Variants in KCNQ3 observed in about 807,000 individuals in gnomAD.
KCNQ3 encodes the protein potassium voltage-gated channel subfamily KQT member 3.
KCNQ3 carries 30 observed loss-of-function variants against 92.5 expected under a neutral mutation model. That is an observed-to-expected ratio of 0.32 (90% confidence interval 0.24 to 0.44). The LOEUF is 0.44. KCNQ3 is among the 20% of genes least tolerant of loss of function. The pLI, the probability that KCNQ3 is intolerant of heterozygous loss-of-function variation, is 1.00. For synonymous variants in KCNQ3, 450 were observed against 468.8 expected, an observed-to-expected ratio of 0.96 and a Z score of 0.52; for missense variants, 913 against 1,140.3, an observed-to-expected ratio of 0.80 and a Z score of 2.87.
At chr8:132,229,896 G>A (rs528825728) in intron 1 of KCNQ3, among the ~76,000 whole-genome samples, 4 of 152,266 alleles carry the variant, frequency 2.6e-5, no homozygotes, top group Admixed American at 6.5e-5. Context: ...GAGACGTGGT[G>A]GAAGGGAGCT....
At chr8:132,232,798 TG>T (rs1234173938) in intron 1 of KCNQ3, among the ~76,000 whole-genome samples, 2 of 152,212 alleles carry the variant, frequency 1.3e-5, no homozygotes, top group Non-Finnish European at 2.9e-5. Context: ...CCTTGTGGAT[TG>T]GGGTGTTCGT....
chr8:132,185,779 G>A (rs1423820545), intron 2 of KCNQ3, among the ~76,000 whole-genome samples: 1 of 152,230 alleles, frequency 6.6e-6, no homozygotes, highest in Non-Finnish European at 1.5e-5. Context: ...ACATGCCTTT[G>A]TGTTACCTTT....
chr8:132,288,319 C>A (rs1003636212), intron 1 of KCNQ3, among the ~76,000 whole-genome samples: 1 of 152,202 alleles, frequency 6.6e-6, no homozygotes, highest in African/African-American at 2.4e-5. Context: ...CCATGTTACT[C>A]TTTATAAATT....
Position 132,443,855 on chromosome 8 carries a change from A to AC in KCNQ3, c.386+36291dup, listed in dbSNP as rs1354621573. ...GTCACCCAGCCCTCTGACACTCTTT[A>AC]CCCCCCCATTTGTCTTATTTACTCA... On this transcript the variant is annotated intron_variant, in intron 1 of 14. Transcript: ENST00000388996. 9.9e-5 allele frequency among the ~76,000 whole-genome samples: 15 copies of AC among 151,230 alleles called. No individual in the cohort carries two copies. The South Asian group carries it at 1.1e-3, about 11-fold the overall frequency.
At chr8:132,407,294 G>A (rs78206643) in intron 1 of KCNQ3, among the ~76,000 whole-genome samples, 2,513 of 152,194 alleles carry the variant, frequency 0.017, 68 homozygotes, top group African/African-American at 0.057. Context: ...CAGTGGCAGC[G>A]GACACCCTTT....
chr8:132,312,656 G>C (rs1563854159), intron 1 of KCNQ3, among the ~76,000 whole-genome samples: 5 of 152,138 alleles, frequency 3.3e-5, no homozygotes. Context: ...CATGGGGGCG[G>C]TTTCCCCCAT....
At chr8:132,157,634 A>G (rs1212985076) in intron 9 of KCNQ3, among the ~76,000 whole-genome samples, 1 of 140,462 alleles carries the variant, frequency 7.1e-6, no homozygotes, top group African/African-American at 2.6e-5. Flanking sequence ...CAGAAAATGT[A>G]ACCTGTGTTT....
intron 1 of KCNQ3, among the ~76,000 whole-genome samples, chr8:132,275,832 C>T (rs1816311314): frequency 6.6e-6 from 1 of 152,210 alleles, no homozygotes; most frequent in Non-Finnish European, 1.5e-5. Context: ...CCACCTCGGC[C>T]TCCCAAAGTG....
intron 7 of KCNQ3, among the ~76,000 whole-genome samples, chr8:132,171,785 G>C (rs929339308): frequency 6.6e-6 from 1 of 152,122 alleles, no homozygotes; most frequent in African/African-American, 2.4e-5. Context: ...GGCCAAATCT[G>C]AGGGGAAGTA....
chr8:132,134,273 A>C lies in KCNQ3; in HGVS notation c.1799+17T>G, dbSNP rs772154355. The C allele has an allele frequency of 6.3e-7, 1 of 1,597,982 alleles. No homozygotes were observed. Reference sequence around the variant, plus strand: ...CTTTGCACCCCTGGCCCATCAGTCCATGTCCACTGGCCCCACCTGGGAGAT... The same window carrying C: ...CTTTGCACCCCTGGCCCATCAGTCCCTGTCCACTGGCCCCACCTGGGAGAT... On this transcript the variant is annotated intron_variant, in intron 13 of 14. Coordinates refer to ENST00000388996, the MANE Select transcript of KCNQ3 (RefSeq NM_004519.4).
At chr8:132,274,329 G>A (rs1816256742) in intron 1 of KCNQ3, among the ~76,000 whole-genome samples, 1 of 152,116 alleles carries the variant, frequency 6.6e-6, no homozygotes, top group Non-Finnish European at 1.5e-5. Context: ...CAGATCTCGT[G>A]AGACTTATTC....
Position 132,356,865 on chromosome 8 carries a change from G to A in KCNQ3, c.386+123282C>T, listed in dbSNP as rs183008801. Among the ~76,000 whole-genome samples the A allele has an allele frequency of 7.2e-5, 11 of 152,272 alleles. No homozygotes were observed. The East Asian group carries it at 7.7e-4, about 11-fold the overall frequency. ...AAAGAGACAAAAAACAGAGAGTGAC[G>A]ACTACATGACAGAAAGGCTACAGAG... On this transcript the variant is annotated intron_variant, in intron 1 of 14. Coordinates refer to ENST00000388996, the MANE Select transcript of KCNQ3 (RefSeq NM_004519.4).
In KCNQ3 at chr8:132,313,020, A is replaced by G. The variant is rs1212493518; in HGVS notation, c.387-126839T>C. Among the ~76,000 whole-genome samples, 5 of 152,206 alleles carry G rather than the reference A, an allele frequency of 3.3e-5. No homozygotes were observed. The East Asian group carries it at 7.7e-4, about 23-fold the overall frequency. ...GGGACCTGAGCTCAGCATTATGCACATCAACCTTCCAGCCGGACGTCTGAG... is the reference window on the plus strand; with the variant it reads ...GGGACCTGAGCTCAGCATTATGCACGTCAACCTTCCAGCCGGACGTCTGAG... On this transcript the variant is annotated intron_variant, in intron 1 of 14. Transcript: ENST00000388996.
intron 8 of KCNQ3, among the ~76,000 whole-genome samples, chr8:132,163,999 G>A (rs529909517): frequency 5.3e-5 from 8 of 152,288 alleles, no homozygotes; most frequent in Non-Finnish European, 7.4e-5. Flanking sequence ...GGGATTAAAT[G>A]AATTGCTCAA....
Position 132,303,587 on chromosome 8 carries a change from G to A in KCNQ3, c.387-117406C>T, listed in dbSNP as rs1232865790. ...TGTGATATATATATATATGGTGTGT[G>A]TGTATATATATATGGTGTGTATATA... is the stretch of plus-strand genomic sequence containing the variant. On this transcript the variant is annotated intron_variant, in intron 1 of 14. Coordinates refer to ENST00000388996, the MANE Select transcript of KCNQ3 (RefSeq NM_004519.4). Among the ~76,000 whole-genome samples the A allele has an allele frequency of 5.7e-3, 135 of 23,520 alleles. 5 individuals are homozygous for A. Among genetic ancestry groups the A allele is most frequent in the East Asian group, 0.013 (4 of 302 alleles). The allele number at this position is 23,520 out of a possible 152,430, so 15.4% of individuals were successfully genotyped here.
intron 1 of KCNQ3, among the ~76,000 whole-genome samples, chr8:132,357,862 G>A (rs1173575971): frequency 3.9e-5 from 6 of 152,168 alleles, no homozygotes; most frequent in Non-Finnish European, 5.9e-5. Context: ...ACTCCAATGA[G>A]TCACCTGCCA....
At chr8:132,291,706 A>C (rs1218546742) in intron 1 of KCNQ3, among the ~76,000 whole-genome samples, 4 of 152,192 alleles carry the variant, frequency 2.6e-5, no homozygotes, top group African/African-American at 9.6e-5. Context: ...AGATGCAGAG[A>C]AGCTTTTGAG....
At chr8:132,310,284 T>C (rs1339809015) in intron 1 of KCNQ3, among the ~76,000 whole-genome samples, 1 of 152,214 alleles carries the variant, frequency 6.6e-6, no homozygotes, top group Non-Finnish European at 1.5e-5. Flanking sequence ...CCTGTGTGAA[T>C]AGCTGTGCAA....
chr8:132,267,594 T>C (rs1015444228), intron 1 of KCNQ3, among the ~76,000 whole-genome samples: 1 of 152,178 alleles, frequency 6.6e-6, no homozygotes, highest in Non-Finnish European at 1.5e-5. Flanking sequence ...CAAAATCTCA[T>C]ACATAACTAC....
Sources: gnomAD v4.1 joint callset for allele counts (sites outside exome capture counted in the v4.1 genomes callset) on GRCh38, gnomAD v4.1.1 for gene constraint, MANE v1.5 for transcripts, NCBI Gene and HGNC (gene_info 2026-07-23, HGNC 2026-07-21) for gene names.